ANP32B: variants seen among roughly 807,000 people sequenced by gnomAD.
ANP32B encodes the protein acidic nuclear phosphoprotein 32 family member B, also known as acidic leucine-rich nuclear phosphoprotein 32 family member B.
Under a neutral mutation model 32.2 loss-of-function variants are expected in ANP32B, and 6 were observed. That is an observed-to-expected ratio of 0.19 (90% CI 0.10 to 0.37). ANP32B has a LOEUF of 0.37. ANP32B is among the 10% of genes least tolerant of loss of function. The pLI is 1.00. For synonymous variants in ANP32B, 98 were observed against 105.8 expected, an observed-to-expected ratio of 0.93 and a Z score of 0.45; for missense variants, 204 against 289.2, an observed-to-expected ratio of 0.71 and a Z score of 2.14.
At chr9:97,987,516 A>C (rs1468055337) in intron 1 of ANP32B, 1 of 152,234 alleles carries the variant, frequency 6.6e-6, no homozygotes, top group East Asian at 1.9e-4. Context: ...TTGGAAAAGA[A>C]TACCTGTTCT....
At chr9:97,999,633 T>C (rs1057283788) in intron 3 of ANP32B, among the ~76,000 whole-genome samples, 6 of 152,214 alleles carry the variant, frequency 3.9e-5, no homozygotes, top group South Asian at 2.1e-4. Flanking sequence ...TCCTCACTTA[T>C]AGCAGGGAGG....
chr9:98,001,409 G>A (rs1162872418), intron 3 of ANP32B, among the ~76,000 whole-genome samples: 1 of 151,428 alleles, frequency 6.6e-6, no homozygotes, highest in Admixed American at 6.6e-5. Context: ...TGCCAGGATG[G>A]TCTCGATCTC....
chr9:97,994,488 T>C (rs1011152343), intron 1 of ANP32B, 143 bp from the exon 2 acceptor site: 2 of 705,636 alleles, frequency 2.8e-6, no homozygotes, highest in African/African-American at 3.6e-5. Flanking sequence ...TTTTATCTTT[T>C]TATAACTATG....
chr9:97,983,754 G>T (rs964833571), intron 1 of ANP32B, 145 bp downstream of exon 1: 23 of 561,396 alleles, frequency 4.1e-5, no homozygotes, highest in Non-Finnish European at 5.8e-5. Context: ...GCGGGCGGGC[G>T]CGGAGGGGGG....
At chr9:98,011,200 C>T (rs1039794812) in intron 4 of ANP32B, 71 bp from the exon 5 acceptor site, 48 of 1,506,604 alleles carry the variant, frequency 3.2e-5, no homozygotes, top group Non-Finnish European at 4.0e-5. Context: ...AGCCAGCCCA[C>T]AGATCCTCAA....
At position 98,011,372 on chromosome 9, in the gene ANP32B, G is replaced by T. The variant is rs761031783; in HGVS notation, c.619G>T (p.Asp207Tyr). The change falls in exon 5 of 7, where the codon GAT (aspartate) becomes TAT (tyrosine). Residue 207 changes from aspartate to tyrosine, a missense_variant. By Grantham distance (160) the Asp-to-Tyr change is radical. Coordinates refer to ENST00000339399, the MANE Select transcript of ANP32B (RefSeq NM_006401.3). ...DEDVEGDEDD[D>Y]EVSEEEEEFG... is the part of the protein sequence containing the mutation. ...AGATGTAGAAGGGGATGAGGACGACGATGAAGTCAGTGAGGAGGTCAGTGC... is the reference window on the plus strand; with the variant it reads ...AGATGTAGAAGGGGATGAGGACGACTATGAAGTCAGTGAGGAGGTCAGTGC... 4.4e-6 allele frequency: 7 copies of T among 1,578,650 alleles called. No homozygotes were observed.
At chr9:97,984,135 C>T (rs1437524501) in intron 1 of ANP32B, among the ~76,000 whole-genome samples, 6 of 149,868 alleles carry the variant, frequency 4.0e-5, no homozygotes, top group African/African-American at 1.5e-4. Flanking sequence ...CGGCCGAGGT[C>T]AGCAGTCGTG....
intron 4 of ANP32B, among the ~76,000 whole-genome samples, chr9:98,008,031 G>A (rs1179902712): frequency 1.3e-5 from 2 of 151,906 alleles, no homozygotes; most frequent in Non-Finnish European, 2.9e-5. Context: ...TTAAGTTCAG[G>A]GGTACATGTG....
chr9:97,991,171 A>G (rs1173910391), intron 1 of ANP32B, among the ~76,000 whole-genome samples: 1 of 150,620 alleles, frequency 6.6e-6, no homozygotes, highest in Admixed American at 6.6e-5. Context: ...GCTGGAGCAT[A>G]GTGGCATGAT....
chr9:98,013,323 A>C (rs1418039624), intron 6 of ANP32B, among the ~76,000 whole-genome samples: 1 of 152,156 alleles, frequency 6.6e-6, no homozygotes, highest in Non-Finnish European at 1.5e-5. Flanking sequence ...CACCATGCCT[A>C]GCCTGTTCCC....
chr9:97,983,995 G>C lies in ANP32B; in HGVS notation c.54+386G>C, dbSNP rs1345398996. On this transcript the variant is annotated intron_variant, in intron 1 of 6. Coordinates refer to ENST00000339399, the MANE Select transcript of ANP32B (RefSeq NM_006401.3). ...GCGCGGCCGGGCGGAGGCCCGGCCTGCCGAGGAGCTGCGCGGCCATCCCCG... is the reference window on the plus strand; with the variant it reads ...GCGCGGCCGGGCGGAGGCCCGGCCTCCCGAGGAGCTGCGCGGCCATCCCCG... Among the ~76,000 whole-genome samples, 4 of 150,684 alleles carry C rather than the reference G, an allele frequency of 2.7e-5. No individual in the cohort carries two copies. In the South Asian group the frequency reaches 8.3e-4, roughly 31 times the overall value.
chr9:98,001,725 G>C (rs1426056930), intron 3 of ANP32B, among the ~76,000 whole-genome samples: 1 of 152,158 alleles, frequency 6.6e-6, no homozygotes, highest in Non-Finnish European at 1.5e-5. Context: ...TCTGGTGGCT[G>C]TGAAAGTCTC....
At position 97,983,486 on chromosome 9, in the gene ANP32B, GC is replaced by G. The variant is rs1386004409; in HGVS notation, c.-68del. On this transcript the variant is annotated 5_prime_UTR_variant, in exon 1 of 7. Coordinates refer to ENST00000339399, the MANE Select transcript of ANP32B (RefSeq NM_006401.3). ...CCTTCCGACGGCCCTCGCTGCGCAA[GC>G]CGGGACGCCTCTCCCCCCTCCGCCC... is the stretch of plus-strand genomic sequence containing the variant. The G allele has an allele frequency of 2.9e-6, 4 of 1,399,614 alleles. No homozygotes were observed. Among genetic ancestry groups the G allele is most frequent in the Non-Finnish European group, 3.9e-6 (4 of 1,021,540 alleles). The allele number at this position is 1,399,614 out of a possible 1,614,324, so 86.7% of individuals were successfully genotyped here.
At chr9:97,984,099 G>C (rs1334297959) in intron 1 of ANP32B, among the ~76,000 whole-genome samples, 3 of 149,812 alleles carry the variant, frequency 2.0e-5, no homozygotes, top group Admixed American at 6.6e-5. Context: ...GGCTCTTGTG[G>C]CCGGAGCTCG....
At position 97,991,870 on chromosome 9, in the gene ANP32B, C is replaced by T. The variant is rs1165869409; in HGVS notation, c.55-2761C>T. 2.0e-5 allele frequency among the ~76,000 whole-genome samples: 3 copies of T among 152,218 alleles called. No individual in the cohort carries two copies. In the East Asian group the frequency reaches 5.8e-4, roughly 29 times the overall value. ...ATAATATATCCACACACTGTGCTTT[C>T]TTAAAAAATACTCTGTGATCAGAAA... On this transcript the variant is annotated intron_variant, in intron 1 of 6. Coordinates refer to ENST00000339399, the MANE Select transcript of ANP32B (RefSeq NM_006401.3).
intron 1 of ANP32B, among the ~76,000 whole-genome samples, chr9:97,990,572 C>A (rs1827806442): frequency 6.6e-6 from 1 of 152,156 alleles, no homozygotes; most frequent in South Asian, 2.1e-4. Context: ...AAGGGACTTG[C>A]CTTTTCTGCC....
chr9:97,983,758 AG>A (rs1017720468), intron 1 of ANP32B, 149 bp downstream of exon 1: 26 of 541,912 alleles, frequency 4.8e-5, no homozygotes, highest in Non-Finnish European at 6.9e-5. Context: ...GCGGGCGCGG[AG>A]GGGGGAGCGA....
rs373590177 is a variant in ANP32B at position 97,998,119 on chromosome 9, A to C, written c.205-437A>C. Among the ~76,000 whole-genome samples, 24 of 151,860 alleles carry C rather than the reference A, an allele frequency of 1.6e-4. 1 individual carries two copies. In the South Asian group the frequency reaches 5.0e-3, roughly 32 times the overall value. ...TTCCAGGTGTAGAACTCTACAGTGTATGTCAGTATTGTCCAGAAATTAGGT... is the reference window on the plus strand; with the variant it reads ...TTCCAGGTGTAGAACTCTACAGTGTCTGTCAGTATTGTCCAGAAATTAGGT... On this transcript the variant is annotated intron_variant, in intron 2 of 6. Transcript: ENST00000339399.
At position 97,994,619 on chromosome 9, in the gene ANP32B, T is replaced by G. The variant is rs1587873381; in HGVS notation, c.55-12T>G. ...TTTTGAGAGCTTATCCTTTTTTCTTTGTCATCCACAGGTTCGAGAACTTGT... is the reference window on the plus strand; with the variant it reads ...TTTTGAGAGCTTATCCTTTTTTCTTGGTCATCCACAGGTTCGAGAACTTGT... On this transcript the variant is annotated splice_polypyrimidine_tract_variant and intron_variant, in intron 1 of 6. Transcript: ENST00000339399. 6.3e-7 allele frequency: 1 copy of G among 1,591,028 alleles called. No individual in the cohort carries two copies. The highest frequency in any genetic ancestry group is 8.5e-7 in the Non-Finnish European group (1 of 1,174,106).
Sources: gnomAD v4.1 joint callset for allele counts (sites outside exome capture counted in the v4.1 genomes callset) on GRCh38, gnomAD v4.1.1 for gene constraint, MANE v1.5 for transcripts, NCBI Gene and HGNC (gene_info 2026-07-23, HGNC 2026-07-21) for gene names.